The following ACADS variants were observed in gnomAD, a reference collection of about 807,000 sequenced individuals.
ACADS encodes the protein acyl-CoA dehydrogenase short chain.
ACADS carries 28 observed loss-of-function variants against 46.8 expected under a neutral mutation model. The ratio of observed to expected loss-of-function variants is 0.60; its 90% confidence interval spans 0.44 to 0.82. The LOEUF (loss-of-function observed/expected upper bound fraction) is 0.82, where lower values mean the gene tolerates loss of function less well. Ranked by LOEUF, ACADS falls within the 40% of genes least tolerant of loss-of-function variation. The pLI, the probability that ACADS is intolerant of heterozygous loss-of-function variation, is 0.00. For synonymous variants in ACADS, 236 were observed against 237.7 expected (o/e 0.99, Z 0.07); for missense variants, 528 against 578.0 (o/e 0.91, Z 0.89).
chr12:120,731,509 T>G (rs983645402), intron 2 of ACADS, among the ~76,000 whole-genome samples: 1 of 151,088 alleles, frequency 6.6e-6, no homozygotes. Context: ...GGCTGGAGTA[T>G]AGTGGCACGA....
intron 1 of ACADS, 142 bp from the exon 2 acceptor site, chr12:120,726,884 T>C: frequency 1.1e-6 from 1 of 934,638 alleles, no homozygotes; most frequent in Non-Finnish European, 1.7e-6. Context: ...TCCCCTGCTC[T>C]AGTTGTGACA....
intron 2 of ACADS, among the ~76,000 whole-genome samples, chr12:120,730,776 G>A (rs956640542): frequency 8.5e-6 from 1 of 117,700 alleles, no homozygotes; most frequent in Non-Finnish European, 1.6e-5. Flanking sequence ...AACAAGTTCC[G>A]GGGTGAAAAG....
intron 3 of ACADS, 109 bp from the exon 4 acceptor site, chr12:120,737,247 T>C (rs1883480724): frequency 6.5e-7 from 1 of 1,527,806 alleles, no homozygotes; most frequent in Admixed American, 2.0e-5. Flanking sequence ...TCACAGGCCT[T>C]GGTCCTACTG....
chr12:120,733,547 ATGGTGCCTGC>A (rs1883336559), intron 2 of ACADS, among the ~76,000 whole-genome samples: 1 of 4,256 alleles, frequency 2.3e-4, no homozygotes, highest in Non-Finnish European at 3.9e-4. Context: ...GCCTGCTGAA[ATGGTGCCTGC>A]TGAAATGGTG....
In ACADS at chr12:120,725,892, G is replaced by C; in HGVS notation, c.7G>C (p.Ala3Pro). Residue 3 changes from alanine (A) to proline (P), a missense_variant, in exon 1 of 10, where the codon GCC becomes CCC. By Grantham distance (27) the Ala-to-Pro change is conservative. Coordinates refer to ENST00000242592, the MANE Select transcript of ACADS (RefSeq NM_000017.4). Reference sequence around the variant, plus strand: ...GGGACTGTGTCTGTCGCCCATGGCCGCCGCGCTGCTCGCCCGGGCCTCGGG... The same window carrying C: ...GGGACTGTGTCTGTCGCCCATGGCCCCCGCGCTGCTCGCCCGGGCCTCGGG... MA[A>P]ALLARASGPA... is the part of the protein sequence containing the mutation. 1 of 1,554,330 alleles carries C rather than the reference G, an allele frequency of 6.4e-7. No homozygotes were observed. The highest frequency in any genetic ancestry group is 8.6e-7 in the Non-Finnish European group (1 of 1,159,182).
In ACADS at chr12:120,738,843, G is replaced by A; in HGVS notation, c.957G>A (p.Leu319=). ...VIQFKLADMA[L]ALESARLLTW... is the part of the protein sequence containing the mutation. The stretch of plus-strand genomic sequence containing the variant: ...AGTTCAAGTTGGCAGACATGGCCCT[G>A]GCCCTGGAGAGTGCCCGGCTGCTGA... The change falls in exon 8 of 10, where the codon CTG becomes CTA. Residue 319 remains leucine (L), a synonymous_variant. Transcript: ENST00000242592. 3.1e-6 allele frequency: 5 copies of A among 1,613,560 alleles called. No homozygotes were observed. Among genetic ancestry groups the A allele is most frequent in the Non-Finnish European group, 4.2e-6 (5 of 1,179,776 alleles).
At chr12:120,736,310 A>T (rs1305592692) in intron 2 of ACADS, among the ~76,000 whole-genome samples, 1 of 152,160 alleles carries the variant, frequency 6.6e-6, no homozygotes, top group Non-Finnish European at 1.5e-5. Context: ...ACCCAGAATT[A>T]AGAGTCCCAA....
rs375227845 is a variant in ACADS at position 120,728,668 on chromosome 12, G to C, written c.210+1479G>C. 2.0e-5 allele frequency among the ~76,000 whole-genome samples: 3 copies of C among 151,346 alleles called. No individual in the cohort carries two copies. The highest frequency in any genetic ancestry group is 7.3e-5 in the African/African-American group (3 of 41,148). On this transcript the variant is annotated intron_variant, in intron 2 of 9. Transcript: ENST00000242592. The surrounding 1 kb of genome is among the most constrained non-coding windows in gnomAD (Gnocchi z 4.0). Reference sequence around the variant, plus strand: ...ATTACAGGCGCACACCACCATACCCGGCTAATTTTATGTATTTTAGTAGAG... The same window carrying C: ...ATTACAGGCGCACACCACCATACCCCGCTAATTTTATGTATTTTAGTAGAG...
At chr12:120,737,777 C>A in intron 4 of ACADS, 60 bp from the exon 5 acceptor site, 1 of 1,608,182 alleles carries the variant, frequency 6.2e-7, no homozygotes, top group Non-Finnish European at 8.5e-7. Context: ...GGGAGTGAGG[C>A]TGGTGCCCTT....
chr12:120,737,408 C>T lies in ACADS; in HGVS notation c.413C>T (p.Ala138Val), dbSNP rs17848085. The change falls in exon 4 of 10, where the codon GCG becomes GTG. Residue 138 changes from alanine to valine, a missense_variant. Physicochemically the swap from Ala to Val is moderately conservative, Grantham distance 64. Transcript: ENST00000242592. ...LKFGSKEQKQ[A>V]WVTPFTSGDK... The stretch of plus-strand genomic sequence containing the variant: ...TTTGGCTCCAAGGAGCAGAAGCAGG[C>T]GTGGGTCACGCCTTTCACCAGTGGT... The T allele has an allele frequency of 4.7e-5, 76 of 1,614,186 alleles. No homozygotes were observed. In the East Asian group the frequency reaches 1.3e-3, roughly 28 times the overall value.
rs758446309 is a variant in ACADS, at chr12:120,737,811, G to A, written c.473-26G>A. 11 of 1,613,514 alleles carry A rather than the reference G, an allele frequency of 6.8e-6. No homozygotes were observed. In the East Asian group the frequency reaches 8.9e-5, roughly 13 times the overall value. On this transcript the variant is annotated intron_variant, in intron 4 of 9. Transcript: ENST00000242592. ...TTAGGTTGTGTGGGGTGGGGCGTGC[G>A]CTGAGCCCTGGGTCTGTGTGGGCAG...
At chr12:120,733,628 AC>A (rs978810631) in intron 2 of ACADS, among the ~76,000 whole-genome samples, 1 of 140,274 alleles carries the variant, frequency 7.1e-6, no homozygotes, top group Non-Finnish European at 1.6e-5. Flanking sequence ...TCTGAGCAGG[AC>A]CCCCCTCCCC....
At chr12:120,737,257 G>A in intron 3 of ACADS, 99 bp from the exon 4 acceptor site, 1 of 1,523,076 alleles carries the variant, frequency 6.6e-7, no homozygotes, top group South Asian at 1.2e-5. Context: ...TGGTCCTACT[G>A]GGTAGGCCCT....
At chr12:120,726,597 C>A (rs949110151) in intron 1 of ACADS, among the ~76,000 whole-genome samples, 1 of 152,224 alleles carries the variant, frequency 6.6e-6, no homozygotes, top group African/African-American at 2.4e-5. Flanking sequence ...TACTATTCGC[C>A]TCCACTTGTT....
At position 120,734,913 on chromosome 12, in the gene ACADS, G is replaced by A. The variant is rs370521728; in HGVS notation, c.211-2073G>A. 1.9e-4 allele frequency among the ~76,000 whole-genome samples: 28 copies of A among 151,146 alleles called. 1 individual carries two copies. The East Asian group carries it at 2.2e-3, about 12-fold the overall frequency. ...ATTACAGGCACCCGCCACCATGCCTGGCTAGTTTTTATATTTTTGGTAGAG... is the reference window on the plus strand; with the variant it reads ...ATTACAGGCACCCGCCACCATGCCTAGCTAGTTTTTATATTTTTGGTAGAG... On this transcript the variant is annotated intron_variant, in intron 2 of 9. Coordinates refer to ENST00000242592, the MANE Select transcript of ACADS (RefSeq NM_000017.4).
chr12:120,726,456 T>A (rs766464035), intron 1 of ACADS, among the ~76,000 whole-genome samples: 5 of 152,254 alleles, frequency 3.3e-5, no homozygotes, highest in Non-Finnish European at 7.3e-5. Flanking sequence ...CCATCTTACG[T>A]GTCTCCAGTT....
At position 120,739,582 on chromosome 12, in the gene ACADS, G is replaced by T. The variant is rs991665942; in HGVS notation, c.*134G>T. 9.7e-7 allele frequency: 1 copy of T among 1,034,744 alleles called. No homozygotes were observed. The highest frequency in any genetic ancestry group is 1.6e-5 in the African/African-American group (1 of 63,250). The allele number at this position is 1,034,744 out of a possible 1,614,324, so 64.1% of individuals were successfully genotyped here. A position where few individuals can be genotyped will look rare whatever the true frequency, so the allele number is the denominator to read the frequency against. ...CAGATGGGCTCAGTGCTGCCACCCA[G>T]ATCAGATCACATGGGAATGAGGCCC... On this transcript the variant is annotated 3_prime_UTR_variant, in exon 10 of 10. Transcript: ENST00000242592.
At chr12:120,726,065 C>A in intron 1 of ACADS, 134 bp downstream of exon 1, 1 of 935,448 alleles carries the variant, frequency 1.1e-6, no homozygotes, top group South Asian at 1.9e-5. Flanking sequence ...GGCCTTTGCC[C>A]CAGTTCTGCT....
chr12:120,738,443 TAGCCATGGTG>T lies in ACADS; in HGVS notation c.793_795+7del. On this transcript the variant is annotated splice_donor_variant and splice_donor_region_variant and coding_sequence_variant and intron_variant, in exon 6 of 10. Transcript: ENST00000242592. LOFTEE classifies it high-confidence loss of function. ...GGGGAGCCAGGGATGGGCTTCAAGA[TAGCCATGGTG>T]AGCCCGGCAGTGGGGGTGGCACCTT... 6.2e-7 allele frequency: 1 copy of T among 1,610,316 alleles called. No individual in the cohort carries two copies. Among genetic ancestry groups the T allele is most frequent in the Non-Finnish European group, 8.5e-7 (1 of 1,179,892 alleles).
Sources: gnomAD v4.1 joint callset for allele counts (sites outside exome capture counted in the v4.1 genomes callset) on GRCh38, gnomAD v4.1.1 for gene constraint, Gnocchi (gnomAD v3.1) non-coding constraint, MANE v1.5 for transcripts, NCBI Gene and HGNC (gene_info 2026-07-23, HGNC 2026-07-21) for gene names.